RNF135: variants seen among roughly 807,000 people sequenced by gnomAD.
RNF135 encodes E3 ubiquitin-protein ligase RNF135.
Under a neutral mutation model 41.9 loss-of-function variants are expected in RNF135, and 46 were observed. The ratio of observed to expected loss-of-function variants is 1.10; its 90% CI spans 0.87 to 1.40. The LOEUF (loss-of-function observed/expected upper bound fraction) is 1.40. Ranked by LOEUF, RNF135 falls within the 40% of genes most tolerant of loss-of-function variation. The pLI is 0.00. For missense variants in RNF135, 539 were observed against 549.8 expected (o/e 0.98, Z 0.20); for synonymous variants, 238 against 223.8 (o/e 1.06, Z -0.57).
At position 30,992,998 on chromosome 17, in the gene RNF135, A is replaced by C. The variant is rs139839466; in HGVS notation, c.680-4244A>C. Among the ~76,000 whole-genome samples the C allele has an allele frequency of 3.0e-3, 448 of 151,346 alleles. 3 individuals are homozygous for C. The highest frequency in any genetic ancestry group is 0.01 in the African/African-American group (425 of 41,310). On this transcript the variant is annotated intron_variant, in intron 3 of 4. Coordinates refer to ENST00000328381, the MANE Select transcript of RNF135 (RefSeq NM_032322.4). ...ACATTTAAATCTTTGACTCACTTCAAGTATATCTCAGCATGTATCCTAGTG... is the reference window on the plus strand; with the variant it reads ...ACATTTAAATCTTTGACTCACTTCACGTATATCTCAGCATGTATCCTAGTG...
At chr17:30,978,656 G>A (rs1477912540) in intron 1 of RNF135, 1 of 143,840 alleles carries the variant, frequency 7.0e-6, no homozygotes, top group African/African-American at 2.6e-5. Context: ...TTCTCGCAGA[G>A]GGGGATTTGG....
At chr17:30,960,744 A>ATT in the RNF135 span, among the ~76,000 whole-genome samples, 2 of 134,650 alleles carry the variant, frequency 1.5e-5, no homozygotes, top group Non-Finnish European at 3.1e-5. Context: ...ATTTTATTTT[A>ATT]TTTTTTTTTT....
At position 30,997,379 on chromosome 17, in the gene RNF135, G is replaced by A. The variant is rs367877446; in HGVS notation, c.769+48G>A. On this transcript the variant is annotated intron_variant, in intron 4 of 4. Transcript: ENST00000328381. ...ACATGGGTTTGGCTTGCCGCAGAGCGGGCTTCGAGAATATCCTACATCCAT... is the reference window on the plus strand; with the variant it reads ...ACATGGGTTTGGCTTGCCGCAGAGCAGGCTTCGAGAATATCCTACATCCAT... 1.5e-5 allele frequency: 23 copies of A among 1,509,324 alleles called. No individual in the cohort carries two copies. In the South Asian group the frequency reaches 1.8e-4, roughly 12 times the overall value. 93.5% of individuals were successfully genotyped at this position (1,509,324 alleles called of 1,614,324 possible).
At chr17:30,984,169 T>C (rs956325794) in intron 1 of RNF135, among the ~76,000 whole-genome samples, 8 of 152,224 alleles carry the variant, frequency 5.3e-5, no homozygotes, top group African/African-American at 1.9e-4. Flanking sequence ...GTCCAATTTG[T>C]CTCCTTTTTT....
chr17:30,980,501 T>C (rs1403029369), intron 1 of RNF135, among the ~76,000 whole-genome samples: 2 of 118,628 alleles, frequency 1.7e-5, no homozygotes, highest in Admixed American at 8.1e-5. Context: ...GGCGGGGGGC[T>C]GACCCCCCCC....
chr17:30,990,489 G>A (rs1183605316), intron 3 of RNF135, among the ~76,000 whole-genome samples: 2 of 151,906 alleles, frequency 1.3e-5, no homozygotes, highest in Non-Finnish European at 2.9e-5. Flanking sequence ...CTCCAGTGTG[G>A]GTGATGAGCG....
rs1018031359 is a variant in RNF135, at chr17:30,971,215, C to G, written c.142C>G (p.Leu48Val). 2 of 1,514,376 alleles carry G rather than the reference C, an allele frequency of 1.3e-6. No individual in the cohort carries two copies. Among genetic ancestry groups the G allele is most frequent in the Non-Finnish European group, 1.8e-6 (2 of 1,138,368 alleles). The allele number at this position is 1,514,376 out of a possible 1,614,324, so 93.8% of individuals were successfully genotyped here. ...CTTCTGCCGCCACTGCCTGGAGGCC[C>G]TGTGGGGCGCCCGCGACGCCCGCCG... ...HSFCRHCLEA[L>V]WGARDARRWA... Residue 48 changes from leucine to valine, a missense_variant, in exon 1 of 5, where the codon CTG becomes GTG. Coordinates refer to ENST00000328381, the MANE Select transcript of RNF135 (RefSeq NM_032322.4).
rs576722196 is a variant in RNF135, at chr17:30,975,722, A to G, written c.372+4277A>G. On this transcript the variant is annotated intron_variant, in intron 1 of 4. Coordinates refer to ENST00000328381, the MANE Select transcript of RNF135 (RefSeq NM_032322.4). ...AGACACACTACCCAGATTGCCCAAC[A>G]CTGCTCACCTGATTGGCCTGGTGTA... The G allele has an allele frequency of 7.8e-6, 11 of 1,407,968 alleles. No individual in the cohort carries two copies. In the African/African-American group the frequency reaches 1.3e-4, roughly 16 times the overall value. 87.2% of individuals were successfully genotyped at this position (1,407,968 alleles called of 1,614,324 possible). A position where few individuals can be genotyped will look rare whatever the true frequency, so the allele number is the denominator to read the frequency against.
chr17:30,979,625 T>A (rs1216236403), intron 1 of RNF135, among the ~76,000 whole-genome samples: 6 of 101,924 alleles, frequency 5.9e-5, no homozygotes, highest in African/African-American at 2.2e-4. Flanking sequence ...GAGGCGCCCC[T>A]CACCTCCCGG....
chr17:30,981,496 A>G (rs891196292), intron 1 of RNF135, among the ~76,000 whole-genome samples: 1 of 152,164 alleles, frequency 6.6e-6, no homozygotes, highest in South Asian at 2.1e-4. Flanking sequence ...TAAATCAGCT[A>G]TTTTGAATTC....
chr17:30,988,778 TG>T (rs1041603677), intron 3 of RNF135, among the ~76,000 whole-genome samples: 2 of 148,792 alleles, frequency 1.3e-5, no homozygotes, highest in Non-Finnish European at 3.0e-5. Context: ...TTAATAATTT[TG>T]TTTTGTTTTT....
At position 30,998,676 on chromosome 17, in the gene RNF135, A is replaced by C; in HGVS notation, c.784A>C (p.Thr262Pro). The change falls in exon 5 of 5, where the codon ACC becomes CCC. Residue 262 changes from threonine to proline, a missense_variant. Thr to Pro is a conservative substitution (Grantham distance 38). Around this residue, in one of 2 missense-constraint regions of RNF135, gnomAD observed 262 missense variants for 336.9 expected, o/e 0.78. Coordinates refer to ENST00000328381, the MANE Select transcript of RNF135 (RefSeq NM_032322.4). ...TTTTTCCAAAGGGGCCATCCATCCA[A>C]CCTTTAACTTGAAGAGCCTTTCCTG... Reference protein sequence around the residue: ...SRFAQWAIHPTFNLKSLSCSL... With the variant: ...SRFAQWAIHPPFNLKSLSCSL... The C allele has an allele frequency of 1.2e-6, 2 of 1,613,752 alleles. No homozygotes were observed. Among genetic ancestry groups the C allele is most frequent in the Non-Finnish European group, 1.7e-6 (2 of 1,179,914 alleles).
intron 1 of RNF135, among the ~76,000 whole-genome samples, chr17:30,979,697 G>A (rs1906862564): frequency 7.4e-6 from 1 of 134,600 alleles, no homozygotes; most frequent in African/African-American, 2.8e-5. Context: ...CGGGGCGGCT[G>A]GCCGGGCGGG....
At chr17:30,990,665 T>C (rs1430797608) in intron 3 of RNF135, among the ~76,000 whole-genome samples, 4 of 152,258 alleles carry the variant, frequency 2.6e-5, no homozygotes, top group Non-Finnish European at 5.9e-5. Flanking sequence ...TATGCAAATG[T>C]CAGCGAATAT....
intron 1 of RNF135, chr17:30,971,800 T>C (rs1017481870): frequency 1.5e-5 from 14 of 911,964 alleles, no homozygotes; most frequent in Non-Finnish European, 1.9e-5. Flanking sequence ...CTTTATTTCT[T>C]TGAGACGGAG....
chr17:30,994,047 C>T (rs1424223505), intron 3 of RNF135: 4 of 428,406 alleles, frequency 9.3e-6, no homozygotes, highest in Non-Finnish European at 1.6e-5. Flanking sequence ...TCAAGCGATC[C>T]TCCTGCCTCA....
intron 1 of RNF135, among the ~76,000 whole-genome samples, chr17:30,973,612 C>T (rs1435977225): frequency 6.6e-6 from 1 of 151,972 alleles, no homozygotes. Context: ...GGATTACAGG[C>T]GCCTGCCACC....
upstream of RNF135, chr17:30,970,668 G>GGAGT (rs1308186686): frequency 4.3e-6 from 1 of 230,858 alleles, no homozygotes; most frequent in African/African-American, 2.4e-5. Flanking sequence ...GCTGCTGAAT[G>GGAGT]GAGTCCTCTC....
rs1051708312 is a variant in RNF135, at chr17:30,997,403, A to C, written c.769+72A>C. On this transcript the variant is annotated intron_variant, in intron 4 of 4. Coordinates refer to ENST00000328381, the MANE Select transcript of RNF135 (RefSeq NM_032322.4). ...CGGGCTTCGAGAATATCCTACATCC[A>C]TCTCCCTACTGCTAGGGCCACTCCT... 10 of 1,264,330 alleles carry C rather than the reference A, an allele frequency of 7.9e-6. No homozygotes were observed. In the South Asian group the frequency reaches 1.1e-4, roughly 14 times the overall value. The allele number at this position is 1,264,330 out of a possible 1,614,324, so 78.3% of individuals were successfully genotyped here.
Sources: gnomAD v4.1 joint callset for allele counts (sites outside exome capture counted in the v4.1 genomes callset) on GRCh38, gnomAD v4.1.1 for gene constraint, gnomAD v4.1.1 regional missense constraint, MANE v1.5 for transcripts, NCBI Gene and HGNC (gene_info 2026-07-23, HGNC 2026-07-21) for gene names.